The following ADAMTSL3 variants were observed in gnomAD, a reference collection of about 807,000 sequenced individuals.
The protein encoded by ADAMTSL3 is ADAMTS like 3.
In ADAMTSL3, 128 loss-of-function variants were observed where a neutral mutation model predicts 201.7. The observed-to-expected ratio is 0.63, with a 90% CI of 0.55 to 0.73. The LOEUF is 0.73. ADAMTSL3 is among the 30% of genes least tolerant of loss of function. ADAMTSL3 has a pLI of 0.00. For missense variants in ADAMTSL3, 1,990 were observed against 2,119.6 expected (o/e 0.94, Z 1.20); for synonymous variants, 738 against 748.4 (o/e 0.99, Z 0.23).
At chr15:84,016,765 T>C (rs2068094092) in intron 25 of ADAMTSL3, among the ~76,000 whole-genome samples, 1 of 152,240 alleles carries the variant, frequency 6.6e-6, no homozygotes, top group South Asian at 2.1e-4. Flanking sequence ...ATATAGATAT[T>C]GATTTCCAGT....
At chr15:83,957,001 T>C (rs1484879450) in intron 19 of ADAMTSL3, among the ~76,000 whole-genome samples, 2 of 152,160 alleles carry the variant, frequency 1.3e-5, no homozygotes, top group African/African-American at 2.4e-5. Flanking sequence ...AGAAATGACA[T>C]TTACAACCAT....
intron 5 of ADAMTSL3, among the ~76,000 whole-genome samples, chr15:83,808,513 C>T (rs1192709284): frequency 6.6e-6 from 1 of 152,098 alleles, no homozygotes; most frequent in Non-Finnish European, 1.5e-5. Flanking sequence ...AAAGGGAACC[C>T]TTATTGCTAT....
rs1567170043 is a variant in ADAMTSL3 at position 83,823,972 on chromosome 15, T to TCCTCCTC, written c.600+3926_600+3927insCTCCTCC. On this transcript the variant is annotated intron_variant, in intron 6 of 29. Coordinates refer to ENST00000286744, the MANE Select transcript of ADAMTSL3 (RefSeq NM_207517.3). ...TTCTTCTTCTTCTTCTTCTTCTTCT[T>TCCTCCTC]CTCCTCCTCCTCCTCCTCCTTCTCC... 5.6e-5 allele frequency among the ~76,000 whole-genome samples: 4 copies of TCCTCCTC among 71,212 alleles called. No individual in the cohort carries two copies. The South Asian group carries it at 1.3e-3, about 24-fold the overall frequency. The allele number at this position is 71,212 out of a possible 152,430, so 46.7% of individuals were successfully genotyped here.
chr15:83,943,187 A>G (rs942386191), intron 19 of ADAMTSL3, 105 bp downstream of exon 19: 41 of 1,343,882 alleles, frequency 3.1e-5, no homozygotes, highest in Non-Finnish European at 3.6e-5. Flanking sequence ...TGAGATGAGT[A>G]TGGGTCCTAG....
In ADAMTSL3 at chr15:83,988,837, A is replaced by C. The variant is rs2067530657; in HGVS notation, c.3844+19A>C. On this transcript the variant is annotated intron_variant, in intron 22 of 29. Transcript: ENST00000286744. ...TATGCAGGTAATGCCCACTGTTGAAATCTAGAATGCCTGGTTCTTTATTTT... is the reference window on the plus strand; with the variant it reads ...TATGCAGGTAATGCCCACTGTTGAACTCTAGAATGCCTGGTTCTTTATTTT... The C allele has an allele frequency of 2.9e-6, 4 of 1,401,808 alleles. No individual in the cohort carries two copies. Among genetic ancestry groups the C allele is most frequent in the Non-Finnish European group, 3.7e-6 (4 of 1,071,714 alleles). 86.8% of individuals were successfully genotyped at this position (1,401,808 alleles called of 1,614,324 possible). A position where few individuals can be genotyped will look rare whatever the true frequency, so the allele number is the denominator to read the frequency against.
At chr15:83,728,879 T>G (rs1355636615) in intron 3 of ADAMTSL3, among the ~76,000 whole-genome samples, 1 of 152,126 alleles carries the variant, frequency 6.6e-6, no homozygotes, top group Non-Finnish European at 1.5e-5. Flanking sequence ...TATTTCTCAT[T>G]AAAGTCTTTT....
At chr15:83,724,246 A>G (rs2062140977) in intron 3 of ADAMTSL3, among the ~76,000 whole-genome samples, 1 of 151,692 alleles carries the variant, frequency 6.6e-6, no homozygotes, top group Admixed American at 6.6e-5. Context: ...TTACAGGCAC[A>G]CACCACCACA....
At chr15:83,690,944 C>G (rs2061601056) in intron 2 of ADAMTSL3, among the ~76,000 whole-genome samples, 1 of 152,188 alleles carries the variant, frequency 6.6e-6, no homozygotes, top group Non-Finnish European at 1.5e-5. Flanking sequence ...TGCAAGCTGC[C>G]TCCTCTCACC....
intron 2 of ADAMTSL3, among the ~76,000 whole-genome samples, chr15:83,701,488 T>G (rs982913389): frequency 1.1e-4 from 16 of 152,248 alleles, no homozygotes; most frequent in Non-Finnish European, 1.8e-4. Flanking sequence ...GGTTTGATTC[T>G]GTGTCCCCAC....
At chr15:83,704,296 TG>T (rs1421346605) in intron 2 of ADAMTSL3, 92 bp from the exon 3 acceptor site, 2 of 1,563,550 alleles carry the variant, frequency 1.3e-6, no homozygotes, top group Non-Finnish European at 1.7e-6. Flanking sequence ...CAGCTATTAA[TG>T]GTGGATTCTC....
chr15:83,760,502 T>C (rs755657834), intron 3 of ADAMTSL3, among the ~76,000 whole-genome samples: 6 of 152,176 alleles, frequency 3.9e-5, no homozygotes, highest in Non-Finnish European at 7.4e-5. Context: ...AGTTACATAG[T>C]TTCAATTTGT....
intron 2 of ADAMTSL3, among the ~76,000 whole-genome samples, chr15:83,696,165 C>T (rs917146981): frequency 6.6e-6 from 1 of 152,220 alleles, no homozygotes; most frequent in African/African-American, 2.4e-5. Flanking sequence ...GGAATATTGA[C>T]ATTTAAAGGG....
At chr15:83,725,723 A>G (rs1462066044) in intron 3 of ADAMTSL3, among the ~76,000 whole-genome samples, 3 of 152,014 alleles carry the variant, frequency 2.0e-5, no homozygotes, top group South Asian at 2.1e-4. Context: ...ATGCATTTAT[A>G]TCTGGGTTCT....
chr15:83,800,047 A>G (rs1237277818), intron 4 of ADAMTSL3, among the ~76,000 whole-genome samples: 3 of 151,988 alleles, frequency 2.0e-5, no homozygotes, highest in African/African-American at 7.3e-5. Context: ...GAGGCCAGTC[A>G]CTGGATTTAC....
intron 2 of ADAMTSL3, among the ~76,000 whole-genome samples, chr15:83,688,559 A>G (rs908231472): frequency 6.6e-6 from 1 of 151,890 alleles, no homozygotes; most frequent in Non-Finnish European, 1.5e-5. Context: ...TAGTGAAATT[A>G]TATTTATTTG....
chr15:84,008,284 A>G (rs1326498904), intron 23 of ADAMTSL3, among the ~76,000 whole-genome samples: 9 of 152,084 alleles, frequency 5.9e-5, no homozygotes, highest in Admixed American at 4.6e-4. Flanking sequence ...TAGTAGAGAC[A>G]GGGTTTCACC....
At chr15:83,893,734 G>A (rs1182676179) in intron 13 of ADAMTSL3, among the ~76,000 whole-genome samples, 1 of 152,200 alleles carries the variant, frequency 6.6e-6, no homozygotes, top group Non-Finnish European at 1.5e-5. Flanking sequence ...TGTCAAATTA[G>A]CGTAGTTTTC....
chr15:84,013,997 C>G (rs1015947390), intron 23 of ADAMTSL3, among the ~76,000 whole-genome samples: 2 of 152,220 alleles, frequency 1.3e-5, no homozygotes, highest in Non-Finnish European at 1.5e-5. Context: ...CTTTTGCTCC[C>G]TGAAGTTATC....
At position 83,762,119 on chromosome 15, in the gene ADAMTSL3, C is replaced by T. The variant is rs574417855; in HGVS notation, c.190-11404C>T. Among the ~76,000 whole-genome samples the T allele has an allele frequency of 1.7e-4, 26 of 151,776 alleles. No individual in the cohort carries two copies. The East Asian group carries it at 5.0e-3, about 29-fold the overall frequency. ...AGGCTGGAGTGCGGTGGCGTGATCT[C>T]AGCTCACTGCAACCTCCACCTCCTG... On this transcript the variant is annotated intron_variant, in intron 3 of 29. Transcript: ENST00000286744.
Sources: allele counts gnomAD v4.1 joint callset (sites outside exome capture counted in the v4.1 genomes callset), GRCh38; gene constraint gnomAD v4.1.1; transcripts MANE v1.5; gene names NCBI Gene and HGNC (gene_info 2026-07-23, HGNC 2026-07-21).